ADAMTS10: variants seen among roughly 807,000 people sequenced by gnomAD.
ADAMTS10 encodes the protein A disintegrin and metalloproteinase with thrombospondin motifs 10.
A neutral mutation model predicts 135.9 loss-of-function variants in ADAMTS10; 48 were observed. The ratio of observed to expected loss-of-function variants is 0.35; its 90% CI spans 0.28 to 0.45. ADAMTS10 has a LOEUF of 0.45. ADAMTS10 is among the 20% of genes least tolerant of loss of function. The probability of loss-of-function intolerance (pLI) is 1.00; values close to 1 mark genes in which losing one functional copy is unlikely to be tolerated. For missense variants in ADAMTS10, 1,131 were observed against 1,565.2 expected (o/e 0.72, Z 4.68); for synonymous variants, 621 against 647.5 (o/e 0.96, Z 0.62).
At chr19:8,584,071 C>T (rs1283213206) in intron 25 of ADAMTS10, among the ~76,000 whole-genome samples, 1 of 142,934 alleles carries the variant, frequency 7.0e-6, no homozygotes, top group Non-Finnish European at 1.5e-5. Context: ...GCAGGAGAAT[C>T]GATTGAACCC....
At chr19:8,600,342 C>A (rs2042648563) in intron 6 of ADAMTS10, among the ~76,000 whole-genome samples, 1 of 152,140 alleles carries the variant, frequency 6.6e-6, no homozygotes. Flanking sequence ...CAGGTTCCCT[C>A]TGCCCCAGGG....
Position 8,605,669 on chromosome 19 carries a change from C to T in ADAMTS10, c.42G>A (p.Leu14=). The change falls in exon 3 of 26, where the codon CTG becomes CTA. Residue 14 remains leucine, a synonymous_variant. Coordinates refer to ENST00000597188, the MANE Select transcript of ADAMTS10 (RefSeq NM_030957.4). This position sits in a 1 kb window ranked among gnomAD's most constrained non-coding sequence, Gnocchi z 7.7. ...TGACCTCGAACATGAGGCCCAGCCCCAGGGCGAGGGCCCAGCGGAGGATCT... is the reference window on the plus strand; with the variant it reads ...TGACCTCGAACATGAGGCCCAGCCCTAGGGCGAGGGCCCAGCGGAGGATCT... ...ACQILRWALA[L]GLGLMFEVTH... The T allele has an allele frequency of 6.2e-7, 1 of 1,613,426 alleles. No homozygotes were observed. Among genetic ancestry groups the T allele is most frequent in the Non-Finnish European group, 8.5e-7 (1 of 1,179,908 alleles).
rs1191851952 is a variant in ADAMTS10 at position 8,605,680 on chromosome 19, C to T, written c.31G>A (p.Ala11Thr). Residue 11 changes from alanine to threonine, a missense_variant, in exon 3 of 26, where the codon GCC becomes ACC. Coordinates refer to ENST00000597188, the MANE Select transcript of ADAMTS10 (RefSeq NM_030957.4). This position sits in a 1 kb window ranked among gnomAD's most constrained non-coding sequence, Gnocchi z 7.7. The stretch of plus-strand genomic sequence containing the variant: ...ATGAGGCCCAGCCCCAGGGCGAGGG[C>T]CCAGCGGAGGATCTGGCAGGCGGGA... MAPACQILRW[A>T]LALGLGLMFE... The T allele has an allele frequency of 6.2e-7, 1 of 1,612,816 alleles. No individual in the cohort carries two copies. Among genetic ancestry groups the T allele is most frequent in the Non-Finnish European group, 8.5e-7 (1 of 1,179,816 alleles).
At chr19:8,600,709 A>C (rs557232889) in intron 6 of ADAMTS10, among the ~76,000 whole-genome samples, 2 of 151,942 alleles carry the variant, frequency 1.3e-5, no homozygotes, top group Non-Finnish European at 2.9e-5. Flanking sequence ...CGTGTTAGCC[A>C]GGATGGTCTC....
chr19:8,587,970 C>T (rs1461945337), intron 18 of ADAMTS10, among the ~76,000 whole-genome samples: 5 of 150,398 alleles, frequency 3.3e-5, no homozygotes, highest in East Asian at 4.0e-4. Context: ...AGAGTTTGGC[C>T]GGGTGTGGTG....
intron 16 of ADAMTS10, 42 bp from the exon 17 acceptor site, chr19:8,589,627 CG>C: frequency 6.2e-7 from 1 of 1,611,478 alleles, no homozygotes; most frequent in East Asian, 2.2e-5. Flanking sequence ...CAGGCCACCC[CG>C]GAACTCTTTG....
At chr19:8,586,314 T>A in intron 21 of ADAMTS10, 30 bp downstream of exon 21, 2 of 1,613,380 alleles carry the variant, frequency 1.2e-6, no homozygotes, top group Non-Finnish European at 8.5e-7. Context: ...AGCCCAGGTA[T>A]CTTGTGCCTT....
chr19:8,603,101 G>A (rs547682647), intron 5 of ADAMTS10, among the ~76,000 whole-genome samples: 2 of 152,114 alleles, frequency 1.3e-5, no homozygotes, highest in Non-Finnish European at 2.9e-5. Context: ...CCACCACACC[G>A]TCTAACTGTC....
chr19:8,603,424 G>A (rs782073203), intron 5 of ADAMTS10, among the ~76,000 whole-genome samples: 4 of 152,048 alleles, frequency 2.6e-5, no homozygotes, highest in African/African-American at 4.8e-5. Context: ...ACAGGCATGC[G>A]CCACCACGCC....
chr19:8,592,279 G>A, intron 13 of ADAMTS10, 176 bp from the exon 14 acceptor site: 2 of 1,341,068 alleles, frequency 1.5e-6, no homozygotes, highest in Non-Finnish European at 2.0e-6. Flanking sequence ...CTGGGAGACA[G>A]ACCAGGTACA....
In ADAMTS10 at chr19:8,605,928, C is replaced by T. The variant is rs1282480996; in HGVS notation, c.-99-119G>A. The stretch of plus-strand genomic sequence containing the variant: ...TCTGAAGATTCTGAATGCATTTTCT[C>T]ACTCAGTCACTCCCCTCTCCCCACC... On this transcript the variant is annotated intron_variant, in intron 2 of 25. Coordinates refer to ENST00000597188, the MANE Select transcript of ADAMTS10 (RefSeq NM_030957.4). The surrounding 1 kb of genome is among the most constrained non-coding windows in gnomAD (Gnocchi z 7.7). 206 of 953,508 alleles carry T rather than the reference C, an allele frequency of 2.2e-4. 2 individuals carry two copies. The highest frequency in any genetic ancestry group is 1.6e-3 in the South Asian group (92 of 57,316). The allele number at this position is 953,508 out of a possible 1,614,324, so 59.1% of individuals were successfully genotyped here.
intron 22 of ADAMTS10, 140 bp downstream of exon 22, chr19:8,585,982 G>A (rs1327858613): frequency 2.1e-6 from 3 of 1,419,458 alleles, no homozygotes; most frequent in Non-Finnish European, 2.9e-6. Flanking sequence ...AACTCCTATA[G>A]AACCATCACT....
chr19:8,592,138 C>G (rs1568398636), intron 13 of ADAMTS10, 35 bp from the exon 14 acceptor site: 1 of 1,613,260 alleles, frequency 6.2e-7, no homozygotes, highest in East Asian at 2.2e-5. Context: ...GTGAGTCCAG[C>G]CCGGAGGACA....
At chr19:8,597,951 G>A (rs1259337714) in intron 6 of ADAMTS10, among the ~76,000 whole-genome samples, 3 of 151,964 alleles carry the variant, frequency 2.0e-5, no homozygotes, top group Non-Finnish European at 2.9e-5. Context: ...TTACAGGCGT[G>A]AGCCACCGTG....
chr19:8,586,315 C>T (rs368291203), intron 21 of ADAMTS10, 29 bp downstream of exon 21: 6 of 1,613,346 alleles, frequency 3.7e-6, no homozygotes, highest in Non-Finnish European at 4.2e-6. Flanking sequence ...GCCCAGGTAT[C>T]TTGTGCCTTC....
rs781963792 is a variant in ADAMTS10 at position 8,580,859 on chromosome 19, C to T, written c.*34G>A. 3.3e-6 allele frequency: 5 copies of T among 1,535,296 alleles called. No individual in the cohort carries two copies. The East Asian group carries it at 9.5e-5, about 29-fold the overall frequency. ...CCGCTGCAGGGCTGGCGGCGGAGAC[C>T]CCGCCAGCTGTGGCTCCGGGTGCCG... On this transcript the variant is annotated 3_prime_UTR_variant, in exon 26 of 26. Coordinates refer to ENST00000597188, the MANE Select transcript of ADAMTS10 (RefSeq NM_030957.4).
At chr19:8,584,154 C>CAAAAAAAAAAAAA (rs34412373) in intron 25 of ADAMTS10, among the ~76,000 whole-genome samples, 3 of 44,882 alleles carry the variant, frequency 6.7e-5, no homozygotes, top group Non-Finnish European at 1.2e-4. Flanking sequence ...GACTCCATCT[C>CAAAAAAAAAAAAA]AAAAAAAAAA....
At position 8,586,696 on chromosome 19, in the gene ADAMTS10, C is replaced by T. The variant is rs782606840; in HGVS notation, c.2265G>A (p.Leu755=). The change falls in exon 20 of 26, where the codon CTG becomes CTA. Residue 755 remains leucine, a synonymous_variant. Transcript: ENST00000597188. The part of the protein sequence containing the change: ...HLALKGDQES[L]LLEGLPGTPQ... ...GGGTCCCAGGCAGCCCCTCCAGCAG[C>T]AGGGACTCCTGGTCTCCCTTCAGGG... 3.7e-6 allele frequency: 6 copies of T among 1,613,138 alleles called. No individual in the cohort carries two copies. The African/African-American group carries it at 4.0e-5, about 11-fold the overall frequency.
chr19:8,596,648 C>A lies in ADAMTS10; in HGVS notation c.1041-63G>T. 4 of 1,585,624 alleles carry A rather than the reference C, an allele frequency of 2.5e-6. No individual in the cohort carries two copies. Among genetic ancestry groups the A allele is most frequent in the Non-Finnish European group, 3.4e-6 (4 of 1,161,396 alleles). On this transcript the variant is annotated intron_variant, in intron 8 of 25. Transcript: ENST00000597188. This position sits in a 1 kb window ranked among gnomAD's most constrained non-coding sequence, Gnocchi z 7.2. ...GTCTCCCTAAGCCCTGCTGATGCCACCATGCCCAGCTCTGGGGGTTGAGTC... is the reference window on the plus strand; with the variant it reads ...GTCTCCCTAAGCCCTGCTGATGCCAACATGCCCAGCTCTGGGGGTTGAGTC...
Sources: gnomAD v4.1 joint callset for allele counts (sites outside exome capture counted in the v4.1 genomes callset) on GRCh38, gnomAD v4.1.1 for gene constraint, Gnocchi (gnomAD v3.1) non-coding constraint, MANE v1.5 for transcripts, NCBI Gene and HGNC (gene_info 2026-07-23, HGNC 2026-07-21) for gene names.